SLMAP: variants seen among roughly 807,000 people sequenced by gnomAD.
The protein encoded by SLMAP is sarcolemmal membrane-associated protein.
Under a neutral mutation model 128.8 loss-of-function variants are expected in SLMAP, and 44 were observed. The ratio of observed to expected loss-of-function variants is 0.34; its 90% confidence interval spans 0.27 to 0.44. The LOEUF (loss-of-function observed/expected upper bound fraction) is 0.44. Ranked by LOEUF, SLMAP falls within the 20% of genes least tolerant of loss-of-function variation. The probability of loss-of-function intolerance (pLI) is 1.00; values close to 1 mark genes in which losing one functional copy is unlikely to be tolerated. For synonymous variants in SLMAP, 327 were observed against 348.8 expected (o/e 0.94, Z 0.70); for missense variants, 787 against 985.3 (o/e 0.80, Z 2.69).
At chr3:57,848,988 C>T (rs1167258427) in intron 5 of SLMAP, among the ~76,000 whole-genome samples, 2 of 151,830 alleles carry the variant, frequency 1.3e-5, no homozygotes, top group African/African-American at 2.4e-5. Context: ...GGATTACAGG[C>T]GTGAGCCACC....
Position 57,927,460 on chromosome 3 carries a change from A to G in SLMAP, c.*171A>G. Reference sequence around the variant, plus strand: ...TCACACTCATGCTGGGGACAAACAGAACCATTTTCTTCCTCTTTACCTCTT... The same window carrying G: ...TCACACTCATGCTGGGGACAAACAGGACCATTTTCTTCCTCTTTACCTCTT... On this transcript the variant is annotated 3_prime_UTR_variant, in exon 25 of 25. Transcript: ENST00000671191. The G allele has an allele frequency of 2.3e-6, 2 of 867,122 alleles. No homozygotes were observed. Among genetic ancestry groups the G allele is most frequent in the African/African-American group, 3.3e-5 (2 of 60,758 alleles). 53.7% of individuals were successfully genotyped at this position (867,122 alleles called of 1,614,324 possible).
At chr3:57,830,794 C>G (rs1448586465) in intron 2 of SLMAP, among the ~76,000 whole-genome samples, 2 of 152,176 alleles carry the variant, frequency 1.3e-5, no homozygotes, top group Non-Finnish European at 2.9e-5. Context: ...TTTGCCTATT[C>G]TGGATGTTTC....
At chr3:57,780,901 C>G (rs1279550059) in intron 2 of SLMAP, among the ~76,000 whole-genome samples, 1 of 151,778 alleles carries the variant, frequency 6.6e-6, no homozygotes, top group African/African-American at 2.4e-5. Context: ...CCTCAGACTC[C>G]CCAAGTACTG....
intron 23 of SLMAP, among the ~76,000 whole-genome samples, chr3:57,924,120 A>G (rs1426662550): frequency 6.6e-6 from 1 of 152,240 alleles, no homozygotes; most frequent in Non-Finnish European, 1.5e-5. Flanking sequence ...CCATGAAGAC[A>G]TCTAGCATAA....
chr3:57,817,625 T>C (rs1022214749), intron 2 of SLMAP, among the ~76,000 whole-genome samples: 14 of 152,364 alleles, frequency 9.2e-5, no homozygotes, highest in East Asian at 5.8e-4. Flanking sequence ...TTTGGACTTA[T>C]GTTTTAACTC....
intron 2 of SLMAP, among the ~76,000 whole-genome samples, chr3:57,782,487 T>C (rs1391651499): frequency 6.6e-6 from 1 of 152,188 alleles, no homozygotes; most frequent in Non-Finnish European, 1.5e-5. Context: ...TTTATTCTTC[T>C]TTGTTGAGAC....
intron 2 of SLMAP, among the ~76,000 whole-genome samples, chr3:57,791,835 TTATTAATGATC>T (rs2153476220): frequency 6.6e-6 from 1 of 152,294 alleles, no homozygotes; most frequent in African/African-American, 2.4e-5. Flanking sequence ...ATAGATCTGT[TTATTAATGATC>T]TATTAATGAT....
chr3:57,840,607 G>A (rs2093886890), intron 3 of SLMAP, among the ~76,000 whole-genome samples: 1 of 152,178 alleles, frequency 6.6e-6, no homozygotes, highest in Non-Finnish European at 1.5e-5. Flanking sequence ...ATCTTCAATA[G>A]GAAAAGGAGG....
chr3:57,828,524 G>GA (rs1331223192), intron 2 of SLMAP, among the ~76,000 whole-genome samples: 5 of 152,168 alleles, frequency 3.3e-5, no homozygotes, highest in African/African-American at 9.6e-5. Flanking sequence ...AACTGAAAAG[G>GA]ATGCAGAAGG....
chr3:57,825,811 T>C (rs922727800), intron 2 of SLMAP, among the ~76,000 whole-genome samples: 6 of 152,158 alleles, frequency 3.9e-5, no homozygotes, highest in African/African-American at 1.4e-4. Flanking sequence ...CCAAGACTTA[T>C]TTTGTGCTGG....
intron 2 of SLMAP, among the ~76,000 whole-genome samples, chr3:57,759,427 G>A (rs993863233): frequency 2.0e-5 from 3 of 152,130 alleles, no homozygotes; most frequent in South Asian, 4.1e-4. Context: ...ACAGGCACAC[G>A]CCACCATGCC....
intron 4 of SLMAP, among the ~76,000 whole-genome samples, chr3:57,842,557 G>A (rs1285010188): frequency 6.6e-6 from 1 of 151,990 alleles, no homozygotes; most frequent in East Asian, 1.9e-4. Context: ...CTTGATGTTT[G>A]TATTTGATAA....
At position 57,929,818 on chromosome 3, in the gene SLMAP, T is replaced by A. The variant is rs1030229456; in HGVS notation, c.*2529T>A. 1.3e-5 allele frequency among the ~76,000 whole-genome samples: 2 copies of A among 152,220 alleles called. No individual in the cohort carries two copies. The highest frequency in any genetic ancestry group is 4.8e-5 in the African/African-American group (2 of 41,460). ...AGTCTCCATTTTCTCATTTATAACA[T>A]GCGGAGAATAATACTTATATTTGTG... is the stretch of plus-strand genomic sequence containing the variant. On this transcript the variant is annotated 3_prime_UTR_variant, in exon 25 of 25. Coordinates refer to ENST00000671191, the MANE Select transcript of SLMAP (RefSeq NM_001377540.1).
chr3:57,818,695 T>C (rs914244146), intron 2 of SLMAP, among the ~76,000 whole-genome samples: 1 of 152,214 alleles, frequency 6.6e-6, no homozygotes, highest in Non-Finnish European at 1.5e-5. Context: ...ATATAAGTGA[T>C]TCTGGATATA....
rs1444957673 is a variant in SLMAP at position 57,756,543 on chromosome 3, A to G, written c.-1104-5A>G. The G allele has an allele frequency of 6.6e-6, 1 of 152,202 alleles. No homozygotes were observed. The highest frequency in any genetic ancestry group is 2.4e-5 in the African/African-American group (1 of 41,410). The allele number at this position is 152,202 out of a possible 1,614,324, so 9.4% of individuals were successfully genotyped here. The stretch of plus-strand genomic sequence containing the variant: ...GGCCGTTTGTTTTGATGTTTTCCCC[A>G]CCAGGTCGGAAAGTTTCCTGCCTCG... On this transcript the variant is annotated splice_region_variant and splice_polypyrimidine_tract_variant and intron_variant, in intron 1 of 24. Transcript: ENST00000671191.
At chr3:57,769,782 G>A (rs925178760) in intron 2 of SLMAP, among the ~76,000 whole-genome samples, 2 of 152,166 alleles carry the variant, frequency 1.3e-5, no homozygotes, top group African/African-American at 4.8e-5. Flanking sequence ...TATTGTGAAT[G>A]TCTTACTCTT....
chr3:57,880,217 C>T (rs1265235951), intron 14 of SLMAP, among the ~76,000 whole-genome samples: 1 of 129,984 alleles, frequency 7.7e-6, no homozygotes, highest in Non-Finnish European at 1.7e-5. Flanking sequence ...TTGTTTTGTT[C>T]TTGAGACTGA....
chr3:57,830,607 A>G (rs1012284087), intron 2 of SLMAP, among the ~76,000 whole-genome samples: 1 of 152,118 alleles, frequency 6.6e-6, no homozygotes. Context: ...GCCTCCTGCT[A>G]TCCTTTCTGT....
intron 2 of SLMAP, among the ~76,000 whole-genome samples, chr3:57,784,447 A>AC (rs2083674801): frequency 6.6e-6 from 1 of 151,860 alleles, no homozygotes; most frequent in African/African-American, 2.4e-5. Flanking sequence ...ACCACCAGTT[A>AC]CCCCTCTTTT....
Sources: allele counts gnomAD v4.1 joint callset (sites outside exome capture counted in the v4.1 genomes callset), GRCh38; gene constraint gnomAD v4.1.1; transcripts MANE v1.5; gene names NCBI Gene and HGNC (gene_info 2026-07-23, HGNC 2026-07-21).